The following SCMH1 variants were observed in gnomAD, a reference collection of about 807,000 sequenced individuals.
SCMH1 encodes the protein Scm polycomb group protein homolog 1, also known as polycomb protein SCMH1.
Under a neutral mutation model 70.8 loss-of-function variants are expected in SCMH1, and 37 were observed. The ratio of observed to expected loss-of-function variants is 0.52; its 90% confidence interval spans 0.40 to 0.69. The LOEUF (loss-of-function observed/expected upper bound fraction) is 0.69. Among genes scored for constraint, SCMH1 ranks in the 30% least tolerant of loss-of-function variants. SCMH1 has a pLI of 0.00. For synonymous variants in SCMH1, 292 were observed against 307.4 expected, an observed-to-expected ratio of 0.95 and a Z score of 0.52; for missense variants, 607 against 827.3, an observed-to-expected ratio of 0.73 and a Z score of 3.27.
In SCMH1 at chr1:41,178,844, A is replaced by T. The variant is rs539650601; in HGVS notation, c.13+7277T>A. 7.3e-3 allele frequency among the ~76,000 whole-genome samples: 1,105 copies of T among 152,328 alleles called. 17 individuals carry two copies. The highest frequency in any genetic ancestry group is 0.025 in the African/African-American group (1,046 of 41,562). ...AGATCAACAAGACAGAAAGTTAACA[A>T]GGATATCCAGGAATTGAGCTCAGCT... On this transcript the variant is annotated intron_variant, in intron 2 of 14. Coordinates refer to ENST00000337495, the Ensembl canonical transcript of SCMH1.
intron 8 of SCMH1, among the ~76,000 whole-genome samples, chr1:41,099,716 T>C (rs549719831): frequency 6.6e-6 from 1 of 152,188 alleles, no homozygotes; most frequent in Admixed American, 6.5e-5. Flanking sequence ...ACTCCATAAA[T>C]CTTAGTTTCT....
Position 41,152,749 on chromosome 1 carries a change from TA to T in SCMH1, c.107-1066del, listed in dbSNP as rs1645180140. Reference sequence around the variant, plus strand: ...TGCAAAAAGCACTAGATGCTGGGAATAAAAATGAGTCACTGAATGAAGAAAT... The same window carrying T: ...TGCAAAAAGCACTAGATGCTGGGAATAAAATGAGTCACTGAATGAAGAAAT... On this transcript the variant is annotated intron_variant, in intron 4 of 14. Coordinates refer to ENST00000337495, the Ensembl canonical transcript of SCMH1. 3.1e-6 allele frequency: 5 copies of T among 1,597,736 alleles called. No homozygotes were observed. The Admixed American group carries it at 8.9e-5, about 28-fold the overall frequency.
At chr1:41,073,614 A>G (rs1657255102) in intron 9 of SCMH1, among the ~76,000 whole-genome samples, 1 of 139,534 alleles carries the variant, frequency 7.2e-6, no homozygotes. Flanking sequence ...CATCATCACT[A>G]AAATCATCCA....
In SCMH1 at chr1:41,140,684, G is replaced by C. The variant is rs149199238; in HGVS notation, c.412+2194C>G. Among the ~76,000 whole-genome samples, 929 of 152,286 alleles carry C rather than the reference G, an allele frequency of 6.1e-3. 14 individuals carry two copies. The highest frequency in any genetic ancestry group is 0.021 in the African/African-American group (888 of 41,544). ...GTAGCACTGAGCACTCTAGTGTTCTGATTATGGTCTCTAAATACCATTTCC... is the reference window on the plus strand; with the variant it reads ...GTAGCACTGAGCACTCTAGTGTTCTCATTATGGTCTCTAAATACCATTTCC... On this transcript the variant is annotated intron_variant, in intron 6 of 14. Transcript: ENST00000337495.
chr1:41,191,419 A>G (rs909828373), intron 1 of SCMH1, among the ~76,000 whole-genome samples: 5 of 152,256 alleles, frequency 3.3e-5, no homozygotes, highest in Admixed American at 2.6e-4. Flanking sequence ...CTTTATAAAA[A>G]TAAGTCCAAG....
intron 8 of SCMH1, among the ~76,000 whole-genome samples, chr1:41,085,550 A>G (rs1012537619): frequency 6.6e-6 from 1 of 152,184 alleles, no homozygotes; most frequent in Non-Finnish European, 1.5e-5. Flanking sequence ...TTAGAAGCCT[A>G]AGAATTGGAA....
intron 9 of SCMH1, among the ~76,000 whole-genome samples, chr1:41,073,387 C>T (rs1657179302): frequency 6.6e-6 from 1 of 152,178 alleles, no homozygotes; most frequent in Non-Finnish European, 1.5e-5. Flanking sequence ...GATGTCTTCA[C>T]ATCATCAAAA....
intron 1 of SCMH1, among the ~76,000 whole-genome samples, chr1:41,194,644 A>G (rs898513713): frequency 5.3e-5 from 8 of 152,200 alleles, no homozygotes; most frequent in Admixed American, 3.9e-4. Context: ...TCATTACACA[A>G]TAATAGGTAA....
At chr1:41,055,583 T>C (rs1649956032) in intron 10 of SCMH1, among the ~76,000 whole-genome samples, 1 of 152,188 alleles carries the variant, frequency 6.6e-6, no homozygotes, top group Non-Finnish European at 1.5e-5. Flanking sequence ...CCGCCTGCCT[T>C]GGCCTCCCAA....
chr1:41,144,433 G>A (rs1421617888), intron 5 of SCMH1, among the ~76,000 whole-genome samples: 1 of 152,182 alleles, frequency 6.6e-6, no homozygotes, highest in African/African-American at 2.4e-5. Flanking sequence ...GAGTGTATCA[G>A]TACTTCATTC....
intron 1 of SCMH1, among the ~76,000 whole-genome samples, chr1:41,237,663 C>G (rs1045959866): frequency 6.6e-6 from 1 of 152,156 alleles, no homozygotes; most frequent in African/African-American, 2.4e-5. Flanking sequence ...AACAAAGATA[C>G]CATACCCTAT....
intron 10 of SCMH1, among the ~76,000 whole-genome samples, chr1:41,049,733 C>T (rs943466744): frequency 1.1e-4 from 16 of 145,152 alleles, no homozygotes; most frequent in Non-Finnish European, 2.2e-4. Context: ...CGCCACTGCA[C>T]GCCAGCCTGG....
chr1:41,046,237 A>G lies in SCMH1; in HGVS notation c.1498+170T>C, dbSNP rs199743005. Among the ~76,000 whole-genome samples the G allele has an allele frequency of 2.8e-4, 42 of 152,314 alleles. No homozygotes were observed. The East Asian group carries it at 7.1e-3, about 26-fold the overall frequency. On this transcript the variant is annotated intron_variant, in intron 12 of 14. Coordinates refer to ENST00000337495, the Ensembl canonical transcript of SCMH1. ...ACAAAATCCTGAAGAAAAAGTAAAGATGAGAGGAGGCTGAGAAGTCTCAGA... is the reference window on the plus strand; with the variant it reads ...ACAAAATCCTGAAGAAAAAGTAAAGGTGAGAGGAGGCTGAGAAGTCTCAGA...
At chr1:41,047,007 A>C (rs563399195) in intron 11 of SCMH1, among the ~76,000 whole-genome samples, 1 of 152,240 alleles carries the variant, frequency 6.6e-6, no homozygotes, top group Non-Finnish European at 1.5e-5. Flanking sequence ...AGCCATAGCC[A>C]GCAATGGTAT....
chr1:41,095,042 T>C (rs1664715276), intron 8 of SCMH1, among the ~76,000 whole-genome samples: 1 of 152,174 alleles, frequency 6.6e-6, no homozygotes, highest in Non-Finnish European at 1.5e-5. Flanking sequence ...TCTTCTGCTT[T>C]ACCTGTCTTT....
exon 3 of SCMH1, chr1:41,161,371 T>G (rs376410195): frequency 6.4e-7 from 1 of 1,550,560 alleles, no homozygotes; most frequent in South Asian, 1.2e-5. Flanking sequence ...TACCTTGATA[T>G]TGGGATGCAG....
At position 41,105,202 on chromosome 1, in the gene SCMH1, G is replaced by A. The variant is rs557551869; in HGVS notation, c.745+8081C>T. Among the ~76,000 whole-genome samples, 4 of 151,876 alleles carry A rather than the reference G, an allele frequency of 2.6e-5. No homozygotes were observed. In the South Asian group the frequency reaches 8.3e-4, roughly 32 times the overall value. ...TGGTCTTGAACTCTGGTCCTCAGGT[G>A]ATCCACCTGTCTCAGCCTCCCAAAA... On this transcript the variant is annotated intron_variant, in intron 8 of 14. Coordinates refer to ENST00000337495, the Ensembl canonical transcript of SCMH1.
intron 6 of SCMH1, among the ~76,000 whole-genome samples, chr1:41,119,586 A>G (rs886514169): frequency 1.2e-4 from 19 of 152,196 alleles, no homozygotes; most frequent in Admixed American, 3.3e-4. Context: ...CCAAGAGTGT[A>G]TATGTGTCTA....
chr1:41,091,899 A>T (rs1663635254), intron 8 of SCMH1, among the ~76,000 whole-genome samples: 1 of 145,102 alleles, frequency 6.9e-6, no homozygotes, highest in South Asian at 2.3e-4. Context: ...AGAACATTCC[A>T]TGCTCATGGA....
Sources: allele counts gnomAD v4.1 joint callset (sites outside exome capture counted in the v4.1 genomes callset), GRCh38; gene constraint gnomAD v4.1.1; transcripts MANE v1.5; gene names NCBI Gene and HGNC (gene_info 2026-07-23, HGNC 2026-07-21).